The following CSMD1 variants were observed in gnomAD, a reference collection of about 807,000 sequenced individuals.
CSMD1 encodes the protein CUB and sushi domain-containing protein 1.
CSMD1 carries 213 observed loss-of-function variants against 417.5 expected under a neutral mutation model. The ratio of observed to expected loss-of-function variants is 0.51; its 90% CI spans 0.46 to 0.57. CSMD1 has a LOEUF of 0.57. CSMD1 is among the 20% of genes least tolerant of loss of function. The pLI is 0.00. For missense variants in CSMD1, 6,923 were observed against 4,529.7 expected (o/e 1.53, Z -15.17); for synonymous variants, 2,862 against 1,736.8 (o/e 1.65, Z -16.11).
chr8:3,934,754 G>A (rs985159922), intron 5 of CSMD1, among the ~76,000 whole-genome samples: 1 of 152,058 alleles, frequency 6.6e-6, no homozygotes, highest in Non-Finnish European at 1.5e-5. Context: ...GGCTGAAGCA[G>A]GAGAATCACT....
intron 6 of CSMD1, among the ~76,000 whole-genome samples, chr8:3,726,587 G>A (rs534427412): frequency 1.3e-5 from 2 of 152,244 alleles, no homozygotes; most frequent in African/African-American, 4.8e-5. Flanking sequence ...AGGAAATCTG[G>A]ATATTCATGT....
At chr8:3,076,172 A>G (rs780096710) in intron 49 of CSMD1, among the ~76,000 whole-genome samples, 39 of 152,192 alleles carry the variant, frequency 2.6e-4, no homozygotes, top group Non-Finnish European at 4.9e-4. Flanking sequence ...ATTTTCTCAC[A>G]GTCCTGGAGG....
At chr8:3,371,426 G>C (rs943832527) in intron 18 of CSMD1, among the ~76,000 whole-genome samples, 1 of 151,252 alleles carries the variant, frequency 6.6e-6, no homozygotes, top group South Asian at 2.1e-4. Flanking sequence ...TCTCACAAGT[G>C]AAACATCACT....
intron 9 of CSMD1, among the ~76,000 whole-genome samples, chr8:3,581,333 A>G (rs1442359882): frequency 6.6e-6 from 1 of 152,256 alleles, no homozygotes; most frequent in Non-Finnish European, 1.5e-5. Flanking sequence ...TTCCTAAATG[A>G]AGTAAGCGTA....
At chr8:4,084,012 C>T (rs897543906) in intron 3 of CSMD1, among the ~76,000 whole-genome samples, 1 of 152,038 alleles carries the variant, frequency 6.6e-6, no homozygotes, top group African/African-American at 2.4e-5. Flanking sequence ...AAACAAACAA[C>T]CCCATCAAGA....
chr8:3,064,657 G>A (rs1024532172), intron 49 of CSMD1, among the ~76,000 whole-genome samples: 2 of 152,276 alleles, frequency 1.3e-5, no homozygotes, highest in East Asian at 1.9e-4. Context: ...GTTGACTACA[G>A]TAAGCAAACC....
chr8:3,208,490 C>G (rs1235109618), intron 30 of CSMD1, among the ~76,000 whole-genome samples: 1 of 152,178 alleles, frequency 6.6e-6, no homozygotes, highest in Non-Finnish European at 1.5e-5. Flanking sequence ...TGGTCTGGAT[C>G]TGTTGACCTC....
intron 5 of CSMD1, among the ~76,000 whole-genome samples, chr8:3,826,313 C>T (rs921641177): frequency 6.6e-6 from 1 of 151,462 alleles, no homozygotes; most frequent in Non-Finnish European, 1.5e-5. Flanking sequence ...ATTGTCTTAA[C>T]TGGGGGCTTG....
At chr8:4,076,749 G>T (rs539682040) in intron 3 of CSMD1, among the ~76,000 whole-genome samples, 2 of 152,094 alleles carry the variant, frequency 1.3e-5, no homozygotes, top group African/African-American at 2.4e-5. Flanking sequence ...CCCACCCTGG[G>T]GAATGACCTC....
chr8:4,453,862 C>T (rs1799308374), intron 2 of CSMD1, among the ~76,000 whole-genome samples: 1 of 129,746 alleles, frequency 7.7e-6, no homozygotes, highest in South Asian at 2.7e-4. Context: ...CACTCTGTCA[C>T]CCACGCTGGA....
At chr8:3,654,376 C>A (rs1023026480) in intron 7 of CSMD1, among the ~76,000 whole-genome samples, 1 of 152,102 alleles carries the variant, frequency 6.6e-6, no homozygotes, top group African/African-American at 2.4e-5. Context: ...TAGTTTTAGA[C>A]TGCGTATAAA....
chr8:4,578,235 A>T (rs2725062), intron 2 of CSMD1, among the ~76,000 whole-genome samples: 21,532 of 150,444 alleles, frequency 0.14, 1,591 homozygotes, highest in Middle Eastern at 0.2. Flanking sequence ...ATCTCGGCTC[A>T]CTGCAAGCTC....
At chr8:2,997,183 G>A (rs756758968) in intron 54 of CSMD1, among the ~76,000 whole-genome samples, 1 of 152,228 alleles carries the variant, frequency 6.6e-6, no homozygotes, top group Non-Finnish European at 1.5e-5. Flanking sequence ...TAGTATTTTA[G>A]GGGGAAACAG....
At chr8:3,393,965 G>A (rs1313508667) in intron 17 of CSMD1, among the ~76,000 whole-genome samples, 1 of 123,204 alleles carries the variant, frequency 8.1e-6, no homozygotes, top group Non-Finnish European at 1.6e-5. Flanking sequence ...TTGTGCACAT[G>A]TACCCTAGAA....
At chr8:3,359,626 G>C (rs1188260117) in intron 20 of CSMD1, among the ~76,000 whole-genome samples, 1 of 151,770 alleles carries the variant, frequency 6.6e-6, no homozygotes, top group Non-Finnish European at 1.5e-5. Context: ...ATAAAGTGAT[G>C]TTGGTCAATG....
At chr8:4,750,693 T>C (rs779949278) in intron 1 of CSMD1, among the ~76,000 whole-genome samples, 1 of 152,078 alleles carries the variant, frequency 6.6e-6, no homozygotes, top group African/African-American at 2.4e-5. Flanking sequence ...GATTAAACTG[T>C]GTATTGAGTT....
At chr8:3,549,911 C>G (rs940089335) in intron 10 of CSMD1, among the ~76,000 whole-genome samples, 13 of 152,152 alleles carry the variant, frequency 8.5e-5, no homozygotes, top group African/African-American at 3.1e-4. Flanking sequence ...AATAAGTCAA[C>G]AAGCAGATTT....
intron 1 of CSMD1, among the ~76,000 whole-genome samples, chr8:4,716,786 G>C (rs1215456037): frequency 3.3e-5 from 5 of 152,148 alleles, no homozygotes; most frequent in South Asian, 2.1e-4. Context: ...AAAGAAATCA[G>C]TGTCTCGCCT....
At chr8:3,872,905 C>T (rs969455906) in intron 5 of CSMD1, among the ~76,000 whole-genome samples, 4 of 149,552 alleles carry the variant, frequency 2.7e-5, no homozygotes, top group Non-Finnish European at 5.9e-5. Context: ...CATGAACAGA[C>T]ACTTCTGAAA....
Sources: gnomAD v4.1 joint callset for allele counts (sites outside exome capture counted in the v4.1 genomes callset) on GRCh38, gnomAD v4.1.1 for gene constraint, MANE v1.5 for transcripts, NCBI Gene and HGNC (gene_info 2026-07-23, HGNC 2026-07-21) for gene names.